The following ZFHX2 variants were observed in gnomAD, a reference collection of about 807,000 sequenced individuals.
The protein encoded by ZFHX2 is zinc finger homeobox protein 2.
A neutral mutation model predicts 164.8 loss-of-function variants in ZFHX2; 75 were observed. The observed-to-expected ratio is 0.46, with a 90% CI of 0.38 to 0.55. The LOEUF is 0.55. Ranked by LOEUF, ZFHX2 falls within the 20% of genes least tolerant of loss-of-function variation. The pLI, the probability that ZFHX2 is intolerant of heterozygous loss-of-function variation, is 0.00. For missense variants in ZFHX2, 2,933 were observed against 3,308.0 expected, an observed-to-expected ratio of 0.89 and a Z score of 2.78; for synonymous variants, 1,217 against 1,351.4, an observed-to-expected ratio of 0.90 and a Z score of 2.18.
At chr14:23,543,578 G>C (rs1467323989) in intron 1 of ZFHX2, 1 of 152,298 alleles carries the variant, frequency 6.6e-6, no homozygotes, top group African/African-American at 2.4e-5. Context: ...GCACTGCTTT[G>C]CGCAACTCCA....
In ZFHX2 at chr14:23,526,018, C is replaced by A. The variant is rs1878660851; in HGVS notation, c.3924G>T (p.Lys1308Asn). 6.5e-7 allele frequency: 1 copy of A among 1,534,996 alleles called. No homozygotes were observed. The highest frequency in any genetic ancestry group is 1.4e-5 in the African/African-American group (1 of 72,976). The change falls in exon 9 of 10, where the codon AAG (lysine) becomes AAT (asparagine). Residue 1308 changes from lysine to asparagine, a missense_variant. Lys to Asn is a moderately conservative substitution (Grantham distance 94, BLOSUM62 0). Transcript: ENST00000419474. ...TGAAGCCACTGGTGTCAGGGCCCTT[C>A]TTCTCAGTGCCCACCTCCCCCTCTG... Reference protein sequence around the residue: ...GETEGEVGTEKKGPDTSGFIS... With the variant: ...GETEGEVGTENKGPDTSGFIS...
chr14:23,532,868 A>C lies in ZFHX2; in HGVS notation c.2258T>G (p.Val753Gly), dbSNP rs1373127089. 6.5e-7 allele frequency: 1 copy of C among 1,536,100 alleles called. No homozygotes were observed. Among genetic ancestry groups the C allele is most frequent in the South Asian group, 1.2e-5 (1 of 84,054 alleles). ...RSLPEAEWKE[V>G]AGDTHRCKLC... is the part of the protein sequence containing the mutation. ...CTTGCAGCGGTGGGTGTCACCAGCC[A>C]CCTCCTTCCATTCAGCTTCCGGGAG... The change falls in exon 3 of 10, where the codon GTG (valine) becomes GGG (glycine). Residue 753 changes from valine to glycine, a missense_variant. By Grantham distance (109) the Val-to-Gly change is moderately radical. Transcript: ENST00000419474.
At position 23,525,762 on chromosome 14, in the gene ZFHX2, G is replaced by A. The variant is rs1445051891; in HGVS notation, c.4180C>T (p.Pro1394Ser). The change falls in exon 9 of 10, where the codon CCT becomes TCT. Residue 1394 changes from proline (P) to serine (S), a missense_variant. By Grantham distance (74) the Pro-to-Ser change is moderately conservative. Transcript: ENST00000419474. The surrounding 1 kb of genome is among the most constrained non-coding windows in gnomAD (Gnocchi z 5.9). ...TTGGGAGGTTGGGGTGGAGGAGGAG[G>A]GGTGGCAGCTGGCAGGGACAGCACA... ...APVLSLPAATPPPPPQPPKAE... is the reference protein window; with the variant it reads ...APVLSLPAATSPPPPQPPKAE... 6.6e-7 allele frequency: 1 copy of A among 1,505,904 alleles called. No individual in the cohort carries two copies. The highest frequency in any genetic ancestry group is 1.3e-5 in the South Asian group (1 of 78,204). 93.3% of individuals were successfully genotyped at this position (1,505,904 alleles called of 1,614,324 possible). A position where few individuals can be genotyped will look rare whatever the true frequency, so the allele number is the denominator to read the frequency against.
chr14:23,525,448 G>A lies in ZFHX2; in HGVS notation c.4494C>T (p.His1498=), dbSNP rs1406175523. ...LFSNMLILKT[H]EEHVHRRFLP... ...GAAAGCGGCGGTGGACATGTTCCTC[G>A]TGTGTCTTGAGGATAAGCATATTGG... The change falls in exon 9 of 10, where the codon CAC becomes CAT. Residue 1498 remains histidine, a synonymous_variant. Transcript: ENST00000419474. The surrounding 1 kb of genome is among the most constrained non-coding windows in gnomAD (Gnocchi z 5.9). The A allele has an allele frequency of 3.9e-6, 6 of 1,536,102 alleles. No individual in the cohort carries two copies. The highest frequency in any genetic ancestry group is 4.9e-5 in the East Asian group (2 of 40,898).
Position 23,526,193 on chromosome 14 carries a change from C to T in ZFHX2, c.3749G>A (p.Cys1250Tyr). ...TTAATDKPFK[C>Y]TVCRVSYNQS... The stretch of plus-strand genomic sequence containing the variant: ...GTTGTAGGAGACTCTGCAGACTGTG[C>T]ACTTAAAGGGCTTGTCTGTGGCAGC... The change falls in exon 9 of 10, where the codon TGC becomes TAC. Residue 1250 changes from cysteine (C) to tyrosine (Y), a missense_variant. By Grantham distance (194) the Cys-to-Tyr change is radical (BLOSUM62 -2). Transcript: ENST00000419474. 4 of 1,536,510 alleles carry T rather than the reference C, an allele frequency of 2.6e-6. No individual in the cohort carries two copies. The highest frequency in any genetic ancestry group is 2.6e-6 in the Non-Finnish European group (3 of 1,146,932).
chr14:23,522,363 T>C lies in ZFHX2; in HGVS notation c.7318A>G (p.Thr2440Ala), dbSNP rs1346185682. Reference protein sequence around the residue: ...GEVDELLTGSTGISTVDVTHR... With the variant: ...GEVDELLTGSAGISTVDVTHR... ...GTTACATCCACGGTGGAGATGCCAG[T>C]GCTGCCTGTCAGCAGCTCATCAACC... The change falls in exon 10 of 10, where the codon ACT becomes GCT. Residue 2440 changes from threonine to alanine, a missense_variant. Physicochemically the swap from Thr to Ala is moderately conservative, Grantham distance 58 (BLOSUM62 0). Coordinates refer to ENST00000419474, the MANE Select transcript of ZFHX2 (RefSeq NM_033400.3). 1 of 1,536,104 alleles carries C rather than the reference T, an allele frequency of 6.5e-7. No homozygotes were observed. Among genetic ancestry groups the C allele is most frequent in the South Asian group, 1.2e-5 (1 of 84,054 alleles).
intron 6 of ZFHX2, chr14:23,528,489 T>G: frequency 1.5e-6 from 1 of 648,934 alleles, no homozygotes; most frequent in Non-Finnish European, 1.9e-6. Context: ...TGGATTTAGT[T>G]TTCTTCTCTT....
chr14:23,531,781 CTT>C (rs757963386), intron 3 of ZFHX2, 60 bp from the exon 4 acceptor site: 142 of 1,075,156 alleles, frequency 1.3e-4, no homozygotes, highest in South Asian at 5.8e-4. Flanking sequence ...CCTCAGGGGA[CTT>C]TTTTTTTTTT....
chr14:23,530,013 C>A, intron 5 of ZFHX2, 107 bp downstream of exon 5: 1 of 1,186,890 alleles, frequency 8.4e-7, no homozygotes, highest in South Asian at 1.3e-5. Flanking sequence ...TTTCTTTAAT[C>A]AGTTTTGCTC....
chr14:23,528,647 G>C lies in ZFHX2; in HGVS notation c.2935-843C>G, dbSNP rs928643928. On this transcript the variant is annotated intron_variant, in intron 6 of 9. Coordinates refer to ENST00000419474, the MANE Select transcript of ZFHX2 (RefSeq NM_033400.3). ...GCCCTACCTGTCTGCTCAGAAGCCA[G>C]CTCATCCTCCCTCAGGCTCAGCAGC... The C allele has an allele frequency of 8.1e-6, 8 of 985,260 alleles. No homozygotes were observed. The South Asian group carries it at 2.8e-4, about 35-fold the overall frequency. 61.0% of individuals were successfully genotyped at this position (985,260 alleles called of 1,614,324 possible).
intron 6 of ZFHX2, 41 bp from the exon 7 acceptor site, chr14:23,527,845 G>A (rs1425172938): frequency 6.6e-7 from 1 of 1,513,738 alleles, no homozygotes; most frequent in Admixed American, 2.0e-5. Context: ...TGTCAGGGAA[G>A]GATGGGACCC....
At position 23,551,098 on chromosome 14, in the gene ZFHX2, C is replaced by G. The variant is rs1404408639; in HGVS notation, c.-50+245G>C. On this transcript the variant is annotated intron_variant, in intron 1 of 9. Transcript: ENST00000419474. The surrounding 1 kb of genome is among the most constrained non-coding windows in gnomAD (Gnocchi z 5.3). ...CTCCACCCCCGCATCTCTCTTCCCCCATCCTCGCGCACGCCCTCTTCCTCC... is the reference window on the plus strand; with the variant it reads ...CTCCACCCCCGCATCTCTCTTCCCCGATCCTCGCGCACGCCCTCTTCCTCC... 6.6e-6 allele frequency among the ~76,000 whole-genome samples: 1 copy of G among 152,010 alleles called. No individual in the cohort carries two copies. The highest frequency in any genetic ancestry group is 1.9e-4 in the East Asian group (1 of 5,180).
chr14:23,532,150 C>A, intron 3 of ZFHX2: 1 of 168,956 alleles, frequency 5.9e-6, no homozygotes, highest in South Asian at 2.0e-4. Context: ...CTTCCTGCTC[C>A]TGAAACCCCC....
In ZFHX2 at chr14:23,541,742, T is replaced by C. The variant is rs1880838137; in HGVS notation, c.-49-6368A>G. ...GCTAATAAGTGGATCAAAACTATTCTGGCCTTTCCCTGCATGTCTTCTTTT... is the reference window on the plus strand; with the variant it reads ...GCTAATAAGTGGATCAAAACTATTCCGGCCTTTCCCTGCATGTCTTCTTTT... On this transcript the variant is annotated intron_variant, in intron 1 of 9. Transcript: ENST00000419474. 2.0e-5 allele frequency among the ~76,000 whole-genome samples: 3 copies of C among 152,250 alleles called. No homozygotes were observed. In the South Asian group the frequency reaches 6.2e-4, roughly 31 times the overall value.
upstream of ZFHX2, among the ~76,000 whole-genome samples, chr14:23,552,058 T>C (rs1882006377): frequency 6.6e-6 from 1 of 152,196 alleles, no homozygotes; most frequent in Non-Finnish European, 1.5e-5. Context: ...GAACAAGCCC[T>C]GAGCCGCCCA....
chr14:23,524,606 G>A lies in ZFHX2; in HGVS notation c.5336C>T (p.Ser1779Phe). Residue 1779 changes from serine (S) to phenylalanine (F), a missense_variant, in exon 9 of 10, where the codon TCC (serine) becomes TTC (phenylalanine). Physicochemically the swap from Ser to Phe is radical, Grantham distance 155. Transcript: ENST00000419474. This position sits in a 1 kb window ranked among gnomAD's most constrained non-coding sequence, Gnocchi z 5.6. ...GTGACTGGTCAGGAGGTCCTGGCTG[G>A]AGAAAGAAATGGCACACTGGTCACA... ...HTCDQCAISF[S>F]SQDLLTSHRR... 1 of 1,536,380 alleles carries A rather than the reference G, an allele frequency of 6.5e-7. No individual in the cohort carries two copies. Among genetic ancestry groups the A allele is most frequent in the Middle Eastern group, 1.7e-4 (1 of 5,990 alleles).
rs972178865 is a variant in ZFHX2 at position 23,534,394 on chromosome 14, G to A, written c.932C>T (p.Thr311Ile). 3.9e-6 allele frequency: 6 copies of A among 1,536,870 alleles called. No individual in the cohort carries two copies. In the Admixed American group the frequency reaches 1.2e-4, roughly 30 times the overall value. Reference protein sequence around the residue: ...SSDIPLDNSSTVNMEANVAQT... With the variant: ...SSDIPLDNSSIVNMEANVAQT... ...GGCCACATTCGCCTCCATGTTCACT[G>A]TGCTGCTGTTGTCAAGGGGTATGTC... Residue 311 changes from threonine (T) to isoleucine (I), a missense_variant, in exon 2 of 10, where the codon ACA (threonine) becomes ATA (isoleucine). Thr to Ile is a moderately conservative substitution (Grantham distance 89). Transcript: ENST00000419474. The surrounding 1 kb of genome is among the most constrained non-coding windows in gnomAD (Gnocchi z 4.5).
At chr14:23,545,717 C>A (rs565153055) in intron 1 of ZFHX2, among the ~76,000 whole-genome samples, 2 of 152,232 alleles carry the variant, frequency 1.3e-5, no homozygotes, top group East Asian at 1.9e-4. Flanking sequence ...ACCACTGATA[C>A]AGAACACAGA....
chr14:23,536,090 G>C (rs1880114561), intron 1 of ZFHX2, among the ~76,000 whole-genome samples: 1 of 152,018 alleles, frequency 6.6e-6, no homozygotes, highest in Non-Finnish European at 1.5e-5. Context: ...CACCATCCTG[G>C]GGCCCGCTGA....
Sources: allele counts gnomAD v4.1 joint callset (sites outside exome capture counted in the v4.1 genomes callset), GRCh38; gene constraint gnomAD v4.1.1; non-coding constraint Gnocchi (gnomAD v3.1); transcripts MANE v1.5; gene names NCBI Gene and HGNC (gene_info 2026-07-23, HGNC 2026-07-21).